GABRG3: variants seen among roughly 807,000 people sequenced by gnomAD.
The protein encoded by GABRG3 is gamma-aminobutyric acid receptor subunit gamma-3.
In GABRG3, 25 loss-of-function variants were observed where a neutral mutation model predicts 48.8. The ratio of observed to expected loss-of-function variants is 0.51; its 90% CI spans 0.37 to 0.72. GABRG3 has a LOEUF of 0.72. Ranked by LOEUF, GABRG3 falls within the 30% of genes least tolerant of loss-of-function variation. The pLI, the probability that GABRG3 is intolerant of heterozygous loss-of-function variation, is 0.00. For missense variants in GABRG3, 394 were observed against 577.9 expected, an observed-to-expected ratio of 0.68 and a Z score of 3.26; for synonymous variants, 227 against 217.6, an observed-to-expected ratio of 1.04 and a Z score of -0.38.
chr15:27,089,604 C>G (rs919514016), intron 3 of GABRG3, among the ~76,000 whole-genome samples: 1 of 152,132 alleles, frequency 6.6e-6, no homozygotes, highest in African/African-American at 2.4e-5. Context: ...CCTGCCAGGC[C>G]TCAGGGTAGG....
intron 3 of GABRG3, among the ~76,000 whole-genome samples, chr15:27,279,946 T>G (rs901190263): frequency 1.3e-5 from 2 of 152,182 alleles, no homozygotes; most frequent in African/African-American, 2.4e-5. Context: ...ACTTTCAGCA[T>G]ATAGATCCTA....
rs559483969 is a variant in GABRG3, at chr15:27,059,725, A to G, written c.270+32904A>G. On this transcript the variant is annotated intron_variant, in intron 3 of 9. Coordinates refer to ENST00000615808, the MANE Select transcript of GABRG3 (RefSeq NM_033223.5). ...ATGCAGAGTGAAAGGGTTTCCTGCCATGGGCATAGGTCTGGGTCCTGGCAG... is the reference window on the plus strand; with the variant it reads ...ATGCAGAGTGAAAGGGTTTCCTGCCGTGGGCATAGGTCTGGGTCCTGGCAG... Among the ~76,000 whole-genome samples the G allele has an allele frequency of 8.5e-5, 13 of 152,326 alleles. No individual in the cohort carries two copies. In the East Asian group the frequency reaches 2.5e-3, roughly 29 times the overall value.
chr15:27,047,740 A>T (rs1162112074), intron 3 of GABRG3, among the ~76,000 whole-genome samples: 1 of 152,188 alleles, frequency 6.6e-6, no homozygotes, highest in Non-Finnish European at 1.5e-5. Context: ...TGTCTTTGCT[A>T]TTGGGCTGCT....
intron 3 of GABRG3, among the ~76,000 whole-genome samples, chr15:27,048,941 G>A (rs1217677910): frequency 6.6e-6 from 1 of 152,240 alleles, no homozygotes; most frequent in East Asian, 1.9e-4. Context: ...TCCTTCAGGT[G>A]TTTGGGGGCT....
At chr15:27,396,899 C>T (rs548700117) in intron 5 of GABRG3, among the ~76,000 whole-genome samples, 1 of 152,060 alleles carries the variant, frequency 6.6e-6, no homozygotes, top group Admixed American at 6.6e-5. Flanking sequence ...CTGAGAAAGG[C>T]ACAATTATAG....
chr15:27,055,588 C>G (rs996251141), intron 3 of GABRG3, among the ~76,000 whole-genome samples: 2 of 152,120 alleles, frequency 1.3e-5, no homozygotes, highest in Non-Finnish European at 2.9e-5. Flanking sequence ...TTCAGCGTTC[C>G]CATAGGAATA....
At chr15:27,104,401 C>T (rs1186159858) in intron 3 of GABRG3, among the ~76,000 whole-genome samples, 1 of 152,150 alleles carries the variant, frequency 6.6e-6, no homozygotes, top group Non-Finnish European at 1.5e-5. Context: ...TGTAGATGCT[C>T]CCTATCCAGT....
chr15:27,465,186 C>G (rs750844012), intron 5 of GABRG3, among the ~76,000 whole-genome samples: 1 of 152,190 alleles, frequency 6.6e-6, no homozygotes, highest in African/African-American at 2.4e-5. Context: ...AGCCCACTTG[C>G]CTCAGCAGAG....
chr15:27,153,006 A>C (rs958606180), intron 3 of GABRG3, among the ~76,000 whole-genome samples: 2 of 151,810 alleles, frequency 1.3e-5, no homozygotes, highest in African/African-American at 4.8e-5. Flanking sequence ...GACCACAGGC[A>C]CCCGCCACCA....
chr15:27,429,514 A>T (rs1595748921), intron 5 of GABRG3, among the ~76,000 whole-genome samples: 1 of 152,204 alleles, frequency 6.6e-6, no homozygotes, highest in Admixed American at 6.5e-5. Context: ...TGCAACTGTC[A>T]CCACTGTCTA....
intron 3 of GABRG3, among the ~76,000 whole-genome samples, chr15:27,031,536 G>A (rs918744791): frequency 6.6e-6 from 1 of 152,164 alleles, no homozygotes; most frequent in African/African-American, 2.4e-5. Context: ...GCGTGACCAT[G>A]TGTTACCAGA....
intron 5 of GABRG3, among the ~76,000 whole-genome samples, chr15:27,464,075 T>A (rs1397134061): frequency 6.6e-6 from 1 of 152,186 alleles, no homozygotes; most frequent in Non-Finnish European, 1.5e-5. Context: ...CAGGTTTTTT[T>A]AAATGACTGC....
At chr15:27,426,216 G>A (rs971841920) in intron 5 of GABRG3, among the ~76,000 whole-genome samples, 11 of 152,090 alleles carry the variant, frequency 7.2e-5, no homozygotes, top group Non-Finnish European at 1.3e-4. Flanking sequence ...GAAAATGGGC[G>A]GTGGGAAAAA....
At chr15:27,206,692 T>A in intron 3 of GABRG3, among the ~76,000 whole-genome samples, 1 of 152,214 alleles carries the variant, frequency 6.6e-6, no homozygotes, top group East Asian at 1.9e-4. Flanking sequence ...TCTAAGTGAT[T>A]TTATTAGTCT....
At chr15:27,467,579 A>G (rs1468823041) in intron 5 of GABRG3, among the ~76,000 whole-genome samples, 1 of 152,180 alleles carries the variant, frequency 6.6e-6, no homozygotes, top group East Asian at 1.9e-4. Flanking sequence ...GGGCCTACCT[A>G]TGTTGTTTTA....
In GABRG3 at chr15:27,092,144, C is replaced by T. The variant is rs532226706; in HGVS notation, c.270+65323C>T. On this transcript the variant is annotated intron_variant, in intron 3 of 9. Transcript: ENST00000615808. The stretch of plus-strand genomic sequence containing the variant: ...TTTTCCTCTCTCACCTGGCCCTCTA[C>T]GGGAAGCACCCTCTGATGTCCCATT... Among the ~76,000 whole-genome samples, 322 of 152,252 alleles carry T rather than the reference C, an allele frequency of 2.1e-3. 1 individual carries two copies. Among genetic ancestry groups the T allele is most frequent in the Non-Finnish European group, 3.2e-3 (215 of 68,006 alleles).
intron 3 of GABRG3, among the ~76,000 whole-genome samples, chr15:27,122,327 C>T (rs1897745115): frequency 6.6e-6 from 1 of 152,196 alleles, no homozygotes; most frequent in South Asian, 2.1e-4. Context: ...CAACACTGTA[C>T]TGTTGTATAT....
intron 5 of GABRG3, among the ~76,000 whole-genome samples, chr15:27,349,958 T>TAGC (rs1296963883): frequency 7.8e-4 from 4 of 5,142 alleles, no homozygotes; most frequent in Admixed American, 3.9e-3. Flanking sequence ...TCAGTGACAA[T>TAGC]AACAAAAAAA....
intron 3 of GABRG3, among the ~76,000 whole-genome samples, chr15:27,308,319 C>T (rs1321797085): frequency 7.2e-6 from 1 of 138,810 alleles, no homozygotes; most frequent in Non-Finnish European, 1.6e-5. Flanking sequence ...CATATATAAA[C>T]ATACGTTTAT....
Sources: allele counts gnomAD v4.1 joint callset (sites outside exome capture counted in the v4.1 genomes callset), GRCh38; gene constraint gnomAD v4.1.1; transcripts MANE v1.5; gene names NCBI Gene and HGNC (gene_info 2026-07-23, HGNC 2026-07-21).